The following EIF2AK2 variants were observed in gnomAD, a reference collection of about 807,000 sequenced individuals.
EIF2AK2 encodes the protein eukaryotic translation initiation factor 2 alpha kinase 2.
In EIF2AK2, 40 loss-of-function variants were observed where a neutral mutation model predicts 70.5. The ratio of observed to expected loss-of-function variants is 0.57; its 90% confidence interval spans 0.44 to 0.74. The LOEUF (loss-of-function observed/expected upper bound fraction) is 0.74. Among genes scored for constraint, EIF2AK2 ranks in the 30% least tolerant of loss-of-function variants. EIF2AK2 has a pLI of 0.00. For synonymous variants in EIF2AK2, 198 were observed against 220.9 expected (o/e 0.90, Z 0.92); for missense variants, 555 against 644.3 (o/e 0.86, Z 1.50).
chr2:37,120,510 A>C (rs1191259846), intron 12 of EIF2AK2, among the ~76,000 whole-genome samples: 1 of 18,942 alleles, frequency 5.3e-5, no homozygotes, highest in Admixed American at 7.7e-4. Context: ...CCGTCTCACA[A>C]AAAAAAAAAA....
chr2:37,135,372 T>C, intron 10 of EIF2AK2, 112 bp downstream of exon 10: 1 of 869,414 alleles, frequency 1.2e-6, no homozygotes, highest in Non-Finnish European at 1.8e-6. Flanking sequence ...GCGTAGTTAA[T>C]CTTATTCAAA....
chr2:37,134,115 A>G (rs1675041549), intron 10 of EIF2AK2, among the ~76,000 whole-genome samples: 1 of 152,184 alleles, frequency 6.6e-6, no homozygotes, highest in South Asian at 2.1e-4. Flanking sequence ...CTTTTAACAG[A>G]AAACGTAACC....
At chr2:37,121,499 C>T (rs527751022) in intron 12 of EIF2AK2, among the ~76,000 whole-genome samples, 5 of 151,892 alleles carry the variant, frequency 3.3e-5, no homozygotes, top group African/African-American at 1.2e-4. Context: ...ATATCCTTGC[C>T]GTCACGGGGA....
chr2:37,152,185 C>G (rs1675767618), intron 1 of EIF2AK2, among the ~76,000 whole-genome samples: 3 of 152,220 alleles, frequency 2.0e-5, no homozygotes, highest in Non-Finnish European at 4.4e-5. Context: ...ATGAAACTTC[C>G]AGAATCGGTA....
intron 12 of EIF2AK2, among the ~76,000 whole-genome samples, chr2:37,122,099 C>G (rs1270686837): frequency 1.3e-5 from 2 of 152,164 alleles, no homozygotes; most frequent in African/African-American, 4.8e-5. Context: ...CCAATCACAG[C>G]CTAAGAGAGG....
At chr2:37,112,554 G>C (rs1333158507) in intron 14 of EIF2AK2, among the ~76,000 whole-genome samples, 1 of 152,172 alleles carries the variant, frequency 6.6e-6, no homozygotes, top group East Asian at 1.9e-4. Context: ...GAATAGCTGA[G>C]AGCATTTTTA....
At chr2:37,149,432 T>C in intron 1 of EIF2AK2, 5 of 460,094 alleles carry the variant, frequency 1.1e-5, no homozygotes, top group Middle Eastern at 6.2e-4. Flanking sequence ...CACGAATTTT[T>C]CATCTTGGGT....
At chr2:37,130,738 C>T (rs1674911491) in intron 10 of EIF2AK2, among the ~76,000 whole-genome samples, 1 of 152,188 alleles carries the variant, frequency 6.6e-6, no homozygotes, top group African/African-American at 2.4e-5. Context: ...TAGGGACAGC[C>T]CTCACTATTT....
Position 37,126,967 on chromosome 2 carries a change from G to GAAAAAAAAAAAAAAAAAAAAAA in EIF2AK2, c.786-578_786-557dup, listed in dbSNP as rs57802509. Among the ~76,000 whole-genome samples, 6 of 52,156 alleles carry GAAAAAAAAAAAAAAAAAAAAAA rather than the reference G, an allele frequency of 1.2e-4. 1 individual carries two copies. The highest frequency in any genetic ancestry group is 1.4e-3 in the East Asian group (2 of 1,432). 34.2% of individuals were successfully genotyped at this position (52,156 alleles called of 152,430 possible). A position where few individuals can be genotyped will look rare whatever the true frequency, so the allele number is the denominator to read the frequency against. On this transcript the variant is annotated intron_variant, in intron 10 of 16. Transcript: ENST00000233057. ...AATGAAACTCCATCTCAAAAAAACA[G>GAAAAAAAAAAAAAAAAAAAAAA]AAAAAAAAAAAAAAAAAAAAAAAAA...
At chr2:37,149,354 C>A in intron 1 of EIF2AK2, 1 of 668,480 alleles carries the variant, frequency 1.5e-6, no homozygotes, top group Non-Finnish European at 2.6e-6. Flanking sequence ...TTCTAAAATT[C>A]GGTTACTCTA....
In EIF2AK2 at chr2:37,100,922, CA is replaced by C. The variant is rs1468709518; in HGVS notation, c.*6350del. On this transcript the variant is annotated 3_prime_UTR_variant, in exon 17 of 17. Transcript: ENST00000233057. The stretch of plus-strand genomic sequence containing the variant: ...TGTGAGACAAAGTACCCCTCAAATA[CA>C]TGTGGCTCTTGGGGTTCATCTGACT... 1.3e-5 allele frequency: 2 copies of C among 152,234 alleles called. No individual in the cohort carries two copies. Among genetic ancestry groups the C allele is most frequent in the African/African-American group, 4.8e-5 (2 of 41,458 alleles). 9.4% of individuals were successfully genotyped at this position (152,234 alleles called of 1,614,324 possible).
chr2:37,137,265 T>C (rs1286655175), intron 8 of EIF2AK2, among the ~76,000 whole-genome samples: 1 of 152,256 alleles, frequency 6.6e-6, no homozygotes, highest in Non-Finnish European at 1.5e-5. Context: ...TAAAGCAGCT[T>C]TTAATATTTG....
At chr2:37,111,069 C>T (rs531664492) in intron 14 of EIF2AK2, among the ~76,000 whole-genome samples, 10 of 152,244 alleles carry the variant, frequency 6.6e-5, no homozygotes, top group South Asian at 2.1e-4. Context: ...AAATACCGTA[C>T]GATTCCACTT....
At chr2:37,134,024 T>G (rs1675038791) in intron 10 of EIF2AK2, among the ~76,000 whole-genome samples, 1 of 152,218 alleles carries the variant, frequency 6.6e-6, no homozygotes, top group South Asian at 2.1e-4. Context: ...GCAAGCTAAC[T>G]CTTCCTTTGC....
chr2:37,156,933 G>A lies in EIF2AK2; in HGVS notation c.-209C>T. 2 of 182,888 alleles carry A rather than the reference G, an allele frequency of 1.1e-5. No individual in the cohort carries two copies. Among genetic ancestry groups the A allele is most frequent in the Middle Eastern group, 2.5e-3 (1 of 398 alleles). 11.3% of individuals were successfully genotyped at this position (182,888 alleles called of 1,614,324 possible). A position where few individuals can be genotyped will look rare whatever the true frequency, so the allele number is the denominator to read the frequency against. On this transcript the variant is annotated 5_prime_UTR_variant, in exon 1 of 17. Coordinates refer to ENST00000233057, the MANE Select transcript of EIF2AK2 (RefSeq NM_001135651.3). ...CTGCGCCGCCGCCGCCGCCGCCGCC[G>A]CCGCCGGCCGGAGACCCGCGGCTTC...
At chr2:37,121,152 A>T (rs1460976922) in intron 12 of EIF2AK2, among the ~76,000 whole-genome samples, 1 of 147,332 alleles carries the variant, frequency 6.8e-6, no homozygotes, top group East Asian at 2.0e-4. Context: ...AGTCCCAGCT[A>T]CTCAGGAGAC....
chr2:37,111,572 G>C (rs1401404427), intron 14 of EIF2AK2, among the ~76,000 whole-genome samples: 2 of 151,262 alleles, frequency 1.3e-5, no homozygotes, highest in Non-Finnish European at 2.9e-5. Context: ...TAAACAATAT[G>C]ACCAGGCGCC....
At chr2:37,153,692 G>A (rs886081683) in intron 1 of EIF2AK2, among the ~76,000 whole-genome samples, 1 of 151,946 alleles carries the variant, frequency 6.6e-6, no homozygotes, top group Admixed American at 6.6e-5. Context: ...ATAATATTCC[G>A]TTGTGTATAT....
At chr2:37,109,487 T>C (rs1674073323) in intron 14 of EIF2AK2, 192 bp from the exon 15 acceptor site, 1 of 530,840 alleles carries the variant, frequency 1.9e-6, no homozygotes, top group Non-Finnish European at 3.4e-6. Flanking sequence ...TCTGTGTAAA[T>C]TAACGATCAA....
Sources: allele counts gnomAD v4.1 joint callset (sites outside exome capture counted in the v4.1 genomes callset), GRCh38; gene constraint gnomAD v4.1.1; transcripts MANE v1.5; gene names NCBI Gene and HGNC (gene_info 2026-07-23, HGNC 2026-07-21).